The following SBF2 variants were observed in gnomAD, a reference collection of about 807,000 sequenced individuals.
SBF2 encodes myotubularin-related protein 13.
In SBF2, 112 loss-of-function variants were observed where a neutral mutation model predicts 225.2. That is an observed-to-expected ratio of 0.50 (90% CI 0.43 to 0.58). SBF2 has a LOEUF of 0.58. Among genes scored for constraint, SBF2 ranks in the 20% least tolerant of loss-of-function variants. SBF2 has a pLI of 0.00. For synonymous variants in SBF2, 763 were observed against 773.3 expected (o/e 0.99, Z 0.22); for missense variants, 1,996 against 2,206.2 (o/e 0.90, Z 1.91).
At chr11:10,012,527 T>G (rs968288677) in intron 6 of SBF2, among the ~76,000 whole-genome samples, 1 of 152,240 alleles carries the variant, frequency 6.6e-6, no homozygotes, top group African/African-American at 2.4e-5. Flanking sequence ...GCCTAGGTTT[T>G]TGACCACTGT....
chr11:10,034,046 C>T (rs190619478), intron 3 of SBF2, among the ~76,000 whole-genome samples: 47 of 152,266 alleles, frequency 3.1e-4, no homozygotes, highest in African/African-American at 1.1e-3. Context: ...AAAGGCTTTG[C>T]CAACTTAAGA....
intron 1 of SBF2, among the ~76,000 whole-genome samples, chr11:10,226,861 G>A (rs1958586424): frequency 6.6e-6 from 1 of 152,122 alleles, no homozygotes; most frequent in African/African-American, 2.4e-5. Flanking sequence ...GGGATGGCTG[G>A]GTCAAATGGT....
chr11:9,827,134 G>C (rs999410221), intron 28 of SBF2, among the ~76,000 whole-genome samples: 1 of 152,070 alleles, frequency 6.6e-6, no homozygotes, highest in Non-Finnish European at 1.5e-5. Flanking sequence ...CACCGTGCCC[G>C]GCCTACTTAG....
chr11:10,303,148 G>C lies in SBF2; in HGVS notation n.386+1344C>G, dbSNP rs1324579662. On this transcript the variant is annotated intron_variant and non_coding_transcript_variant, in intron 1 of 5. Transcript: ENST00000685217. The surrounding 1 kb of genome is among the most constrained non-coding windows in gnomAD (Gnocchi z 5.2). ...GGAGGCTCCTGGTCACCGAGCAGGCGTTCAGTAATAGCTGCTGTCTGCGGT... is the reference window on the plus strand; with the variant it reads ...GGAGGCTCCTGGTCACCGAGCAGGCCTTCAGTAATAGCTGCTGTCTGCGGT... 1.3e-5 allele frequency: 2 copies of C among 152,322 alleles called. No homozygotes were observed. The allele number at this position is 152,322 out of a possible 1,614,324, so 9.4% of individuals were successfully genotyped here. A position where few individuals can be genotyped will look rare whatever the true frequency, so the allele number is the denominator to read the frequency against.
rs904446420 is a variant in SBF2, at chr11:9,816,118, T to C, written c.3978+722A>G. Among the ~76,000 whole-genome samples, 3 of 152,202 alleles carry C rather than the reference T, an allele frequency of 2.0e-5. No homozygotes were observed. The East Asian group carries it at 5.8e-4, about 29-fold the overall frequency. ...CTTTCATGTCCTATATACCTACTGG[T>C]AGTAATGAAATTTATTTTGTAATGT... is the stretch of plus-strand genomic sequence containing the variant. On this transcript the variant is annotated intron_variant, in intron 29 of 39. Coordinates refer to ENST00000256190, the MANE Select transcript of SBF2 (RefSeq NM_030962.4).
chr11:9,992,904 A>G, intron 11 of SBF2, 86 bp downstream of exon 11: 1 of 947,294 alleles, frequency 1.1e-6, no homozygotes, highest in South Asian at 1.5e-5. Flanking sequence ...TCAAGGTCAA[A>G]ATAAATGGCT....
intron 2 of SBF2, among the ~76,000 whole-genome samples, chr11:10,075,500 T>C (rs963574027): frequency 1.3e-5 from 2 of 152,236 alleles, no homozygotes; most frequent in Non-Finnish European, 2.9e-5. Context: ...AGGTGGGGCC[T>C]GGTGAAAGGT....
Position 10,292,717 on chromosome 11 carries a change from G to A in SBF2, c.55+1298C>T, listed in dbSNP as rs376522916. 6.6e-5 allele frequency among the ~76,000 whole-genome samples: 10 copies of A among 151,714 alleles called. 1 individual carries two copies. The South Asian group carries it at 1.9e-3, about 29-fold the overall frequency. On this transcript the variant is annotated intron_variant, in intron 1 of 39. Coordinates refer to ENST00000256190, the MANE Select transcript of SBF2 (RefSeq NM_030962.4). ...AAAAAAATTGTTTAAAAGTGGGGAG[G>A]GGGGGAGGCGGAACAATGTCACTAA...
chr11:9,962,135 A>G, intron 15 of SBF2, 29 bp from the exon 16 acceptor site: 1 of 1,610,704 alleles, frequency 6.2e-7, no homozygotes, highest in East Asian at 2.2e-5. Flanking sequence ...CAAATGACCA[A>G]ATGGTACCAC....
At chr11:10,199,154 T>C (rs896767675) in intron 1 of SBF2, among the ~76,000 whole-genome samples, 6 of 152,110 alleles carry the variant, frequency 3.9e-5, no homozygotes, top group Admixed American at 6.5e-5. Flanking sequence ...TTAAAGGCCA[T>C]TGTAAAGTCA....
chr11:10,071,265 CTTT>C (rs945479458), intron 2 of SBF2, among the ~76,000 whole-genome samples: 2 of 103,054 alleles, frequency 1.9e-5, no homozygotes, highest in Non-Finnish European at 3.8e-5. Flanking sequence ...CTCTCTCTCT[CTTT>C]TTTTTTTTTT....
chr11:10,194,728 C>T (rs1957299481), intron 1 of SBF2, among the ~76,000 whole-genome samples: 1 of 152,114 alleles, frequency 6.6e-6, no homozygotes, highest in Admixed American at 6.5e-5. Flanking sequence ...CCAGACTGGT[C>T]TTGAACTCCT....
chr11:10,058,526 A>C (rs1260483776), intron 2 of SBF2, among the ~76,000 whole-genome samples: 3 of 152,204 alleles, frequency 2.0e-5, no homozygotes, highest in African/African-American at 7.2e-5. Context: ...TGTAAACAGA[A>C]ATCTATGAAT....
At chr11:10,300,491 C>T (rs1036538604) in intron 1 of SBF2, among the ~76,000 whole-genome samples, 1 of 151,548 alleles carries the variant, frequency 6.6e-6, no homozygotes, top group East Asian at 1.9e-4. Context: ...CATGATGAAA[C>T]CACATCTCTA....
At chr11:9,874,716 C>T (rs924627201) in intron 17 of SBF2, among the ~76,000 whole-genome samples, 4 of 152,174 alleles carry the variant, frequency 2.6e-5, no homozygotes, top group African/African-American at 9.7e-5. Context: ...AAATTAGAGG[C>T]TACAAAGCAG....
chr11:10,239,364 A>T (rs999707386), intron 1 of SBF2, among the ~76,000 whole-genome samples: 2 of 150,798 alleles, frequency 1.3e-5, no homozygotes, highest in Non-Finnish European at 3.0e-5. Flanking sequence ...AAATTTTAAA[A>T]TATGCTCCTA....
At chr11:10,301,033 A>T (rs1383763038) in intron 1 of SBF2, among the ~76,000 whole-genome samples, 1 of 152,154 alleles carries the variant, frequency 6.6e-6, no homozygotes, top group African/African-American at 2.4e-5. Flanking sequence ...CATGTACAAG[A>T]ACTGACTGTT....
chr11:9,946,453 CTTTTT>C (rs140447383), intron 16 of SBF2, among the ~76,000 whole-genome samples: 1 of 142,646 alleles, frequency 7.0e-6, no homozygotes. Flanking sequence ...TTCTTTCTTT[CTTTTT>C]TTTTTTTTTG....
At chr11:10,048,544 T>C (rs1177202015) in intron 2 of SBF2, among the ~76,000 whole-genome samples, 2 of 152,188 alleles carry the variant, frequency 1.3e-5, no homozygotes, top group African/African-American at 2.4e-5. Flanking sequence ...ACTGGCATTA[T>C]ATATGCCAAA....
Sources: gnomAD v4.1 joint callset for allele counts (sites outside exome capture counted in the v4.1 genomes callset) on GRCh38, gnomAD v4.1.1 for gene constraint, Gnocchi (gnomAD v3.1) non-coding constraint, MANE v1.5 for transcripts, NCBI Gene and HGNC (gene_info 2026-07-23, HGNC 2026-07-21) for gene names.